SEMA3C: variants seen among roughly 807,000 people sequenced by gnomAD.
SEMA3C encodes semaphorin-3C.
Under a neutral mutation model 89.4 loss-of-function variants are expected in SEMA3C, and 47 were observed. That is an observed-to-expected ratio of 0.53 (90% CI 0.42 to 0.67). The LOEUF is 0.67. SEMA3C is among the 30% of genes least tolerant of loss of function. The probability of loss-of-function intolerance (pLI) is 0.00; values close to 1 mark genes in which losing one functional copy is unlikely to be tolerated. For synonymous variants in SEMA3C, 310 were observed against 320.2 expected (o/e 0.97, Z 0.34); for missense variants, 839 against 929.1 (o/e 0.90, Z 1.26).
At position 80,790,963 on chromosome 7, in the gene SEMA3C, T is replaced by C. The variant is rs186198450; in HGVS notation, c.1132-1435A>G. ...TAGTTGAATGAATGCATTATATCAT[T>C]GATTGTATCTGGCCTGAATGAATGC... is the stretch of plus-strand genomic sequence containing the variant. On this transcript the variant is annotated intron_variant, in intron 11 of 17. Transcript: ENST00000265361. Among the ~76,000 whole-genome samples the C allele has an allele frequency of 5.8e-3, 885 of 152,150 alleles. 37 individuals carry two copies. The East Asian group carries it at 0.11, about 18-fold the overall frequency.
rs1318888646 is a variant in SEMA3C at position 80,844,966 on chromosome 7, G to A, written c.104-16221C>T. On this transcript the variant is annotated intron_variant, in intron 2 of 17. Coordinates refer to ENST00000265361, the MANE Select transcript of SEMA3C (RefSeq NM_006379.5). The stretch of plus-strand genomic sequence containing the variant: ...TTGTGAAATGTCTTTCCTTTGTCAG[G>A]GGGTTCATGATCTCGCCGCTTGAGG... Among the ~76,000 whole-genome samples the A allele has an allele frequency of 2.0e-5, 3 of 152,084 alleles. No homozygotes were observed. In the East Asian group the frequency reaches 5.8e-4, roughly 29 times the overall value.
At chr7:80,918,298 T>C (rs1562985969) in intron 1 of SEMA3C, 1 of 152,210 alleles carries the variant, frequency 6.6e-6, no homozygotes, top group Non-Finnish European at 1.5e-5. Context: ...ATTGGTATCT[T>C]ACCTTATATG....
At chr7:80,805,506 G>T (rs1161632128) in intron 7 of SEMA3C, 133 bp downstream of exon 7, 1 of 629,434 alleles carries the variant, frequency 1.6e-6, no homozygotes, top group Non-Finnish European at 2.5e-6. Flanking sequence ...AAATCATAGG[G>T]TACAGAATTA....
At chr7:80,813,010 T>C (rs1221096057) in intron 5 of SEMA3C, among the ~76,000 whole-genome samples, 2 of 149,942 alleles carry the variant, frequency 1.3e-5, no homozygotes, top group African/African-American at 2.5e-5. Context: ...TTTCGCCATG[T>C]TCCCCGGGCT....
chr7:80,800,662 A>T, intron 10 of SEMA3C, 95 bp downstream of exon 10: 1 of 784,560 alleles, frequency 1.3e-6, no homozygotes, highest in Non-Finnish European at 2.1e-6. Flanking sequence ...GACATGTAAA[A>T]TTAAAAGTTG....
At chr7:80,818,544 G>GA in intron 4 of SEMA3C, 126 bp from the exon 5 acceptor site, 1 of 965,618 alleles carries the variant, frequency 1.0e-6, no homozygotes, top group African/African-American at 1.6e-5. Context: ...TGATGTATTA[G>GA]TCCAGGGGCG....
At chr7:80,790,351 G>C (rs1411841015) in intron 11 of SEMA3C, among the ~76,000 whole-genome samples, 2 of 151,998 alleles carry the variant, frequency 1.3e-5, no homozygotes, top group Admixed American at 6.6e-5. Context: ...GGAAGGAGAA[G>C]GGGAGGAGAG....
At chr7:80,895,541 C>A (rs183329526) in intron 2 of SEMA3C, among the ~76,000 whole-genome samples, 1 of 152,250 alleles carries the variant, frequency 6.6e-6, no homozygotes. Flanking sequence ...TGTTAAAAAT[C>A]TGCAAAAAAT....
Position 80,805,719 on chromosome 7 carries a change from C to T in SEMA3C, c.578G>A (p.Gly193Glu), listed in dbSNP as rs760273337. ...LFSGMYIDFM[G>E]TDAAIFRSLT... is the part of the protein sequence containing the mutation. ...ACTTCGAAAAATAGCAGCATCTGTCCCCATGAAATCTATATACATTCCAGA... is the reference window on the plus strand; with the variant it reads ...ACTTCGAAAAATAGCAGCATCTGTCTCCATGAAATCTATATACATTCCAGA... Residue 193 changes from glycine (G) to glutamate (E), a missense_variant, in exon 7 of 18, where the codon GGG (glycine) becomes GAG (glutamate). Physicochemically the swap from Gly to Glu is moderately conservative, Grantham distance 98. Transcript: ENST00000265361. 1 of 1,606,728 alleles carries T rather than the reference C, an allele frequency of 6.2e-7. No individual in the cohort carries two copies. Among genetic ancestry groups the T allele is most frequent in the East Asian group, 2.2e-5 (1 of 44,686 alleles).
intron 4 of SEMA3C, 102 bp downstream of exon 4, chr7:80,827,323 C>A: frequency 8.1e-7 from 1 of 1,240,666 alleles, no homozygotes; most frequent in Non-Finnish European, 1.1e-6. Flanking sequence ...TTTAAAACAC[C>A]ACCATCCTTG....
At chr7:80,833,947 A>G (rs1790068867) in intron 2 of SEMA3C, among the ~76,000 whole-genome samples, 1 of 152,206 alleles carries the variant, frequency 6.6e-6, no homozygotes, top group Non-Finnish European at 1.5e-5. Flanking sequence ...GGCTACAGTG[A>G]GAGAAAAACA....
intron 2 of SEMA3C, among the ~76,000 whole-genome samples, chr7:80,841,680 C>G (rs1169774219): frequency 6.6e-6 from 1 of 152,156 alleles, no homozygotes; most frequent in Admixed American, 6.6e-5. Flanking sequence ...AAACTCAGCT[C>G]TCCCCACCAG....
intron 5 of SEMA3C, among the ~76,000 whole-genome samples, chr7:80,814,269 T>C (rs1476642397): frequency 6.6e-6 from 1 of 151,912 alleles, no homozygotes; most frequent in East Asian, 1.9e-4. Flanking sequence ...TTTGTATTTT[T>C]AGTAGAGATG....
chr7:80,919,303 G>C (rs1176403529), upstream of SEMA3C: 2 of 985,120 alleles, frequency 2.0e-6, no homozygotes, highest in South Asian at 4.7e-5. Flanking sequence ...AAGAATGCGC[G>C]GCCGCAGGCT....
chr7:80,751,418 T>A, intron 15 of SEMA3C, 82 bp from the exon 16 acceptor site: 1 of 1,249,506 alleles, frequency 8.0e-7, no homozygotes, highest in East Asian at 2.4e-5. Flanking sequence ...AATTTTAAAC[T>A]TTGCACCCTT....
chr7:80,794,984 T>C (rs1180694598), intron 11 of SEMA3C, among the ~76,000 whole-genome samples: 1 of 152,186 alleles, frequency 6.6e-6, no homozygotes, highest in East Asian at 1.9e-4. Context: ...AACGAGGGTA[T>C]GAGATTTCTG....
chr7:80,877,058 A>G (rs1791218623), intron 2 of SEMA3C, among the ~76,000 whole-genome samples: 1 of 152,158 alleles, frequency 6.6e-6, no homozygotes, highest in Admixed American at 6.5e-5. Context: ...GTCATGTTAG[A>G]TGGTCACTAG....
chr7:80,763,848 TAATC>T (rs1444708432), intron 13 of SEMA3C, among the ~76,000 whole-genome samples: 1 of 152,122 alleles, frequency 6.6e-6, no homozygotes, highest in Non-Finnish European at 1.5e-5. Flanking sequence ...TCTAGTGAAA[TAATC>T]AATTTCTTTA....
chr7:80,790,534 T>C (rs1449933619), intron 11 of SEMA3C, among the ~76,000 whole-genome samples: 2 of 152,180 alleles, frequency 1.3e-5, no homozygotes, highest in African/African-American at 4.8e-5. Context: ...CCTCCTACTG[T>C]AGGTCTTGCT....
Sources: allele counts gnomAD v4.1 joint callset (sites outside exome capture counted in the v4.1 genomes callset), GRCh38; gene constraint gnomAD v4.1.1; transcripts MANE v1.5; gene names NCBI Gene and HGNC (gene_info 2026-07-23, HGNC 2026-07-21).